FGF13: variants seen among roughly 807,000 people sequenced by gnomAD.
The protein encoded by FGF13 is fibroblast growth factor homologous factor 2.
Under a neutral mutation model 19.5 loss-of-function variants are expected in FGF13, and 2 were observed. That is an observed-to-expected ratio of 0.10 (90% confidence interval 0.04 to 0.32). The LOEUF (loss-of-function observed/expected upper bound fraction) is 0.32. FGF13 is among the 10% of genes least tolerant of loss of function. The pLI is 1.00. For missense variants in FGF13, 113 were observed against 192.7 expected (o/e 0.59, Z 2.45); for synonymous variants, 72 against 76.9 (o/e 0.94, Z 0.33).
intron 1 of FGF13, among the ~76,000 whole-genome samples, chrX:138,897,412 G>A (rs1254029057): frequency 9.0e-6 from 1 of 111,273 alleles, no homozygotes; most frequent in Non-Finnish European, 1.9e-5. Context: ...TTGGCTAAGT[G>A]AATATGGATC....
Position 139,070,695 on chromosome X carries a change from A to G in FGF13, c.-113+132721T>C, listed in dbSNP as rs1232036266. The stretch of plus-strand genomic sequence containing the variant: ...CATGCACACATATGTTTACTGTGGC[A>G]CTGTTCACAATAGGAAAGACGTGAA... On this transcript the variant is annotated intron_variant, in intron 1 of 2. Transcript: ENST00000421460. 1.6e-4 allele frequency among the ~76,000 whole-genome samples: 18 copies of G among 112,481 alleles called. 1 individual carries two copies. In the East Asian group the frequency reaches 5.0e-3, roughly 31 times the overall value.
At chrX:139,084,035 A>T (rs750238031) in intron 1 of FGF13, among the ~76,000 whole-genome samples, 1 of 110,272 alleles carries the variant, frequency 9.1e-6, no homozygotes, top group Non-Finnish European at 1.9e-5. Flanking sequence ...GCATCAGGGT[A>T]AGATTTTCAG....
chrX:139,116,235 T>C (rs2083638837), intron 1 of FGF13, among the ~76,000 whole-genome samples: 1 of 112,481 alleles, frequency 8.9e-6, no homozygotes. Context: ...TGAGTGATCA[T>C]TGCTAATTTT....
intron 1 of FGF13, among the ~76,000 whole-genome samples, chrX:138,913,416 C>T (rs1200079546): frequency 9.2e-6 from 1 of 109,141 alleles, no homozygotes; most frequent in Non-Finnish European, 1.9e-5. Context: ...CTGCCTGCCT[C>T]GGCCTCCCAA....
chrX:138,838,206 G>A (rs1036401719), intron 3 of FGF13, among the ~76,000 whole-genome samples: 7 of 112,153 alleles, frequency 6.2e-5, no homozygotes, highest in East Asian at 2.8e-4. Context: ...CACAGTGGAA[G>A]TGGTGTCCAC....
intron 1 of FGF13, among the ~76,000 whole-genome samples, chrX:139,159,167 C>T: frequency 8.9e-6 from 1 of 111,847 alleles, no homozygotes; most frequent in South Asian, 3.8e-4. Flanking sequence ...GAGTGGGGGC[C>T]AATATTCAAC....
In FGF13 at chrX:138,620,753, G is replaced by T. The variant is rs2089008694; in HGVS notation, c.*12097C>A. ...TATCTATAAGATAGTCACTTTAGCT[G>T]CAAGGACACGTATAAACTGAAAGTG... On this transcript the variant is annotated 3_prime_UTR_variant, in exon 5 of 5. Transcript: ENST00000315930. 9.0e-6 allele frequency: 1 copy of T among 111,513 alleles called. No homozygotes were observed. The highest frequency in any genetic ancestry group is 9.6e-5 in the Admixed American group (1 of 10,461). 9.2% of individuals were successfully genotyped at this position (111,513 alleles called of 1,213,427 possible).
At chrX:138,767,570 C>T (rs768967038) in intron 3 of FGF13, among the ~76,000 whole-genome samples, 1 of 111,961 alleles carries the variant, frequency 8.9e-6, no homozygotes. Context: ...CAAATTCCTT[C>T]TGAATCATCT....
chrX:138,997,353 C>T (rs982127828), intron 1 of FGF13, among the ~76,000 whole-genome samples: 6 of 111,541 alleles, frequency 5.4e-5, no homozygotes, highest in East Asian at 5.7e-4. Context: ...GAGAGAAGTA[C>T]GCTTCAGAAG....
intron 1 of FGF13, among the ~76,000 whole-genome samples, chrX:138,902,001 A>C (rs754785604): frequency 6.6e-4 from 74 of 112,599 alleles, no homozygotes; most frequent in Non-Finnish European, 1.1e-3. Context: ...AGTAATTGGG[A>C]GATCAAAGTT....
At chrX:138,809,331 C>A (rs1369292882) in intron 3 of FGF13, among the ~76,000 whole-genome samples, 1 of 111,794 alleles carries the variant, frequency 8.9e-6, no homozygotes, top group African/African-American at 3.3e-5. Context: ...ATAAACAGAA[C>A]CAAAGACAAA....
upstream of FGF13, among the ~76,000 whole-genome samples, chrX:138,740,926 C>T (rs1186094519): frequency 8.9e-6 from 1 of 112,690 alleles, no homozygotes; most frequent in East Asian, 2.8e-4. Context: ...GTCAATCATG[C>T]TTAGAAGCAC....
chrX:139,188,822 G>A (rs1289202507), intron 1 of FGF13, among the ~76,000 whole-genome samples: 1 of 112,219 alleles, frequency 8.9e-6, no homozygotes, highest in Non-Finnish European at 1.9e-5. Context: ...AAGGCTAACT[G>A]TGAAGTTAAA....
chrX:139,037,813 C>A (rs1309353242), intron 1 of FGF13, among the ~76,000 whole-genome samples: 1 of 112,230 alleles, frequency 8.9e-6, no homozygotes, highest in African/African-American at 3.2e-5. Context: ...TCACCTGTTC[C>A]AGGGATTAGG....
At chrX:138,744,980 A>G (rs181414185) in intron 3 of FGF13, among the ~76,000 whole-genome samples, 1 of 112,149 alleles carries the variant, frequency 8.9e-6, no homozygotes, top group East Asian at 2.8e-4. Context: ...AAACAAGTGT[A>G]CACAGCTGGT....
chrX:138,784,081 C>T (rs1237922046), intron 3 of FGF13, among the ~76,000 whole-genome samples: 9 of 96,609 alleles, frequency 9.3e-5, no homozygotes, highest in African/African-American at 2.6e-4. Flanking sequence ...AACCAAACAC[C>T]GCATGTTCTC....
Position 138,888,812 on chromosome X carries a change from T to C in FGF13, c.-112-24162A>G, listed in dbSNP as rs769433666. ...TCCTGCAATTCAGTATTATCATGCC[T>C]ACGTTCCAAATGAAGAAACTCTATC... On this transcript the variant is annotated intron_variant, in intron 1 of 2. Coordinates refer to the FGF13 transcript ENST00000421460. Among the ~76,000 whole-genome samples the C allele has an allele frequency of 8.9e-5, 10 of 111,814 alleles. No individual in the cohort carries two copies. The East Asian group carries it at 2.8e-3, about 32-fold the overall frequency.
chrX:139,053,214 A>G (rs1439665596), intron 1 of FGF13, among the ~76,000 whole-genome samples: 1 of 111,056 alleles, frequency 9.0e-6, no homozygotes, highest in African/African-American at 3.3e-5. Context: ...TCCATCATAG[A>G]TAGATATGTG....
intron 3 of FGF13, among the ~76,000 whole-genome samples, chrX:138,781,686 A>C (rs963430451): frequency 2.7e-5 from 3 of 111,844 alleles, no homozygotes; most frequent in Non-Finnish European, 5.6e-5. Flanking sequence ...AACCAAAAAG[A>C]GTCCAGGACC....
Sources: gnomAD v4.1 joint callset for allele counts (sites outside exome capture counted in the v4.1 genomes callset) on GRCh38, gnomAD v4.1.1 for gene constraint, MANE v1.5 for transcripts, NCBI Gene and HGNC (gene_info 2026-07-23, HGNC 2026-07-21) for gene names.